The following MLXIP variants were observed in gnomAD, a reference collection of about 807,000 sequenced individuals.
The protein encoded by MLXIP is MLX interacting protein, also known as MLX-interacting protein.
MLXIP carries 30 observed loss-of-function variants against 87.2 expected under a neutral mutation model. That is an observed-to-expected ratio of 0.34 (90% CI 0.26 to 0.47). The LOEUF (loss-of-function observed/expected upper bound fraction) is 0.47. MLXIP is among the 20% of genes least tolerant of loss of function. The pLI, the probability that MLXIP is intolerant of heterozygous loss-of-function variation, is 1.00. For missense variants in MLXIP, 1,002 were observed against 1,240.1 expected (o/e 0.81, Z 2.88); for synonymous variants, 530 against 514.0 (o/e 1.03, Z -0.42).
In MLXIP at chr12:122,137,749, C is replaced by A; in HGVS notation, c.2154+159C>A. 1 of 719,070 alleles carries A rather than the reference C, an allele frequency of 1.4e-6. No homozygotes were observed. Among genetic ancestry groups the A allele is most frequent in the Non-Finnish European group, 1.7e-6 (1 of 586,938 alleles). 44.5% of individuals were successfully genotyped at this position (719,070 alleles called of 1,614,324 possible). A position where few individuals can be genotyped will look rare whatever the true frequency, so the allele number is the denominator to read the frequency against. The stretch of plus-strand genomic sequence containing the variant: ...GCTTCTCCTTGCCCCATGCCACGAA[C>A]CAGCCCTGTGGGGATGGTGGGCCCC... On this transcript the variant is annotated intron_variant, in intron 12 of 16. Coordinates refer to ENST00000319080, the MANE Select transcript of MLXIP (RefSeq NM_014938.6). This position sits in a 1 kb window ranked among gnomAD's most constrained non-coding sequence, Gnocchi z 4.1.
intron 1 of MLXIP, among the ~76,000 whole-genome samples, chr12:122,119,754 G>A (rs964677756): frequency 5.9e-5 from 9 of 152,224 alleles, no homozygotes; most frequent in Non-Finnish European, 1.0e-4. Flanking sequence ...TTTTGCTGCC[G>A]CAAACAGTGC....
At position 122,142,355 on chromosome 12, in the gene MLXIP, T is replaced by C. The variant is rs1953224970; in HGVS notation, c.*543T>C. On this transcript the variant is annotated 3_prime_UTR_variant, in exon 17 of 17. Transcript: ENST00000319080. ...GCCCTTGTGGATGGACTTGGGCTTCTATTCAGGCTTATGCATGGCAGGCTG... is the reference window on the plus strand; with the variant it reads ...GCCCTTGTGGATGGACTTGGGCTTCCATTCAGGCTTATGCATGGCAGGCTG... 6.9e-6 allele frequency: 4 copies of C among 578,770 alleles called. No homozygotes were observed. The highest frequency in any genetic ancestry group is 1.3e-5 in the Non-Finnish European group (4 of 306,130). 35.9% of individuals were successfully genotyped at this position (578,770 alleles called of 1,614,324 possible). A position where few individuals can be genotyped will look rare whatever the true frequency, so the allele number is the denominator to read the frequency against.
chr12:122,083,248 A>G (rs995226746), intron 1 of MLXIP, among the ~76,000 whole-genome samples: 1 of 151,716 alleles, frequency 6.6e-6, no homozygotes, highest in African/African-American at 2.4e-5. Context: ...TGGTGGGGGG[A>G]AGAGATAGTC....
chr12:122,084,176 G>A (rs1952132852), intron 1 of MLXIP, among the ~76,000 whole-genome samples: 1 of 148,374 alleles, frequency 6.7e-6, no homozygotes, highest in Admixed American at 6.7e-5. Flanking sequence ...GTGTGTGTGT[G>A]TGTGTGTGTG....
Position 122,090,283 on chromosome 12 carries a change from G to A in MLXIP, c.413+11017G>A, listed in dbSNP as rs539064251. ...GGCCGAGGCAGGCAGATCATTTGAG[G>A]TCAGGAGTTCGAGACCAGCCTGGCC... On this transcript the variant is annotated intron_variant, in intron 1 of 16. Coordinates refer to ENST00000319080, the MANE Select transcript of MLXIP (RefSeq NM_014938.6). 2.2e-3 allele frequency among the ~76,000 whole-genome samples: 330 copies of A among 152,202 alleles called. 1 individual carries two copies. Among genetic ancestry groups the A allele is most frequent in the African/African-American group, 7.7e-3 (320 of 41,552 alleles).
chr12:122,092,083 T>G (rs1410150546), intron 1 of MLXIP, among the ~76,000 whole-genome samples: 2 of 152,010 alleles, frequency 1.3e-5, no homozygotes, highest in Admixed American at 1.3e-4. Context: ...TCTTTTTCTT[T>G]TCTTTTCTTT....
chr12:122,105,996 T>C (rs754367723), intron 1 of MLXIP, among the ~76,000 whole-genome samples: 14 of 152,236 alleles, frequency 9.2e-5, no homozygotes, highest in Non-Finnish European at 1.9e-4. Context: ...ATCGCTTCAC[T>C]TGCTCTTCTT....
Position 122,138,257 on chromosome 12 carries a change from G to A in MLXIP, c.2218G>A (p.Asp740Asn), listed in dbSNP as rs770286094. ...KRRFNIKMCF[D>N]MLNSLISNNS... ...GCGCTTCAACATCAAGATGTGCTTC[G>A]ACATGCTCAACAGCCTCATCTCCAA... The change falls in exon 13 of 17, where the codon GAC (aspartate) becomes AAC (asparagine). Residue 740 changes from aspartate to asparagine, a missense_variant. By Grantham distance (23) the Asp-to-Asn change is conservative (BLOSUM62 1). Transcript: ENST00000319080. 39 of 1,613,238 alleles carry A rather than the reference G, an allele frequency of 2.4e-5. No individual in the cohort carries two copies. Among genetic ancestry groups the A allele is most frequent in the Middle Eastern group, 1.6e-4 (1 of 6,084 alleles).
Position 122,137,740 on chromosome 12 carries a change from T to C in MLXIP, c.2154+150T>C. The C allele has an allele frequency of 7.6e-7, 1 of 1,307,500 alleles. No homozygotes were observed. Among genetic ancestry groups the C allele is most frequent in the South Asian group, 1.4e-5 (1 of 70,762 alleles). 81.0% of individuals were successfully genotyped at this position (1,307,500 alleles called of 1,614,324 possible). A position where few individuals can be genotyped will look rare whatever the true frequency, so the allele number is the denominator to read the frequency against. ...CAGAAATGGGCTTCTCCTTGCCCCA[T>C]GCCACGAACCAGCCCTGTGGGGATG... On this transcript the variant is annotated intron_variant, in intron 12 of 16. Transcript: ENST00000319080. The surrounding 1 kb of genome is among the most constrained non-coding windows in gnomAD (Gnocchi z 4.1).
At chr12:122,128,205 T>C in intron 3 of MLXIP, 1 of 480,622 alleles carries the variant, frequency 2.1e-6, no homozygotes. Flanking sequence ...TTAATATCTT[T>C]CTGTTAATTT....
intron 11 of MLXIP, chr12:122,136,345 G>T (rs1953089888): frequency 6.6e-6 from 1 of 151,832 alleles, no homozygotes; most frequent in Non-Finnish European, 1.5e-5. Flanking sequence ...AGGCGCAGTG[G>T]CTCATGCCTG....
rs554756206 is a variant in MLXIP, at chr12:122,101,673, C to T, written c.413+22407C>T. Among the ~76,000 whole-genome samples the T allele has an allele frequency of 1.5e-3, 232 of 150,096 alleles. 1 individual carries two copies. The highest frequency in any genetic ancestry group is 5.0e-3 in the African/African-American group (207 of 41,072). ...TCGGCTCACTGCAAGCTCCGCCTCC[C>T]AGGTTCACGCCATTCTCCTGCCGCA... On this transcript the variant is annotated intron_variant, in intron 1 of 16. Coordinates refer to ENST00000319080, the MANE Select transcript of MLXIP (RefSeq NM_014938.6).
intron 16 of MLXIP, 94 bp downstream of exon 16, chr12:122,141,177 A>G (rs1019577690): frequency 7.5e-6 from 11 of 1,467,392 alleles, no homozygotes; most frequent in Non-Finnish European, 9.9e-6. Flanking sequence ...ACTCCACTGC[A>G]GGCAGCCAGG....
chr12:122,136,479 A>AAAAAAAAAAC (rs1953095219), intron 11 of MLXIP: 1 of 144,566 alleles, frequency 6.9e-6, no homozygotes, highest in African/African-American at 2.5e-5. Flanking sequence ...AAAAAAAAAA[A>AAAAAAAAAAC]AAAGCAGGGC....
At chr12:122,118,312 T>C (rs1952723807) in intron 1 of MLXIP, among the ~76,000 whole-genome samples, 1 of 152,200 alleles carries the variant, frequency 6.6e-6, no homozygotes, top group African/African-American at 2.4e-5. Context: ...CAGCGGTTGA[T>C]CATGGGTAAA....
At chr12:122,115,012 G>A (rs896784848) in intron 1 of MLXIP, among the ~76,000 whole-genome samples, 1 of 151,766 alleles carries the variant, frequency 6.6e-6, no homozygotes, top group African/African-American at 2.4e-5. Flanking sequence ...CTCCCAAAGT[G>A]CTGGGATTAC....
chr12:122,079,185 G>A lies in MLXIP; in HGVS notation c.332G>A (p.Ser111Asn). The A allele has an allele frequency of 6.4e-7, 1 of 1,551,236 alleles. No homozygotes were observed. The highest frequency in any genetic ancestry group is 8.7e-7 in the Non-Finnish European group (1 of 1,146,852). Residue 111 changes from serine (S) to asparagine (N), a missense_variant, in exon 1 of 17, where the codon AGC (serine) becomes AAC (asparagine). Ser to Asn is a conservative substitution (Grantham distance 46). This residue lies in a region of MLXIP where 127 missense variants were observed against 239.0 expected (regional missense o/e 0.53). Coordinates refer to ENST00000319080, the MANE Select transcript of MLXIP (RefSeq NM_014938.6). ...TVNKQTCQTY[S>N]FGKTSSCHLS... ...AACAAACAGACGTGCCAGACCTACA[G>A]CTTCGGCAAGACTAGCTCCTGCCAC...
intron 1 of MLXIP, among the ~76,000 whole-genome samples, chr12:122,098,033 A>G (rs1332172088): frequency 6.6e-6 from 1 of 152,122 alleles, no homozygotes; most frequent in African/African-American, 2.4e-5. Flanking sequence ...CCTACCAGAG[A>G]CTGTATTTGC....
Position 122,135,584 on chromosome 12 carries a change from A to C in MLXIP, c.1950A>C (p.Pro650=). ...CTGCCCCCGTCTCCCGGCTCTTCCC[A>C]AGCACAGCGCAAGACCCCCTGGGGA... The part of the protein sequence containing the change: ...SPPAPVSRLF[P]STAQDPLGKG... The change falls in exon 11 of 17, where the codon CCA becomes CCC. Residue 650 remains proline (P), a synonymous_variant. Coordinates refer to ENST00000319080, the MANE Select transcript of MLXIP (RefSeq NM_014938.6). The surrounding 1 kb of genome is among the most constrained non-coding windows in gnomAD (Gnocchi z 5.3). The C allele has an allele frequency of 6.3e-7, 1 of 1,593,660 alleles. No homozygotes were observed. The highest frequency in any genetic ancestry group is 1.1e-5 in the South Asian group (1 of 87,672).
Sources: gnomAD v4.1 joint callset for allele counts (sites outside exome capture counted in the v4.1 genomes callset) on GRCh38, gnomAD v4.1.1 for gene constraint, gnomAD v4.1.1 regional missense constraint, Gnocchi (gnomAD v3.1) non-coding constraint, MANE v1.5 for transcripts, NCBI Gene and HGNC (gene_info 2026-07-23, HGNC 2026-07-21) for gene names.